LHX8: variants seen among roughly 807,000 people sequenced by gnomAD.
The protein encoded by LHX8 is LIM/homeobox protein Lhx8.
LHX8 carries 12 observed loss-of-function variants against 40.3 expected under a neutral mutation model. That is an observed-to-expected ratio of 0.30 (90% CI 0.19 to 0.48). LHX8 has a LOEUF of 0.48. Ranked by LOEUF, LHX8 falls within the 20% of genes least tolerant of loss-of-function variation. The probability of loss-of-function intolerance (pLI) is 0.99; values close to 1 mark genes in which losing one functional copy is unlikely to be tolerated. For synonymous variants in LHX8, 179 were observed against 162.0 expected (o/e 1.10, Z -0.80); for missense variants, 344 against 433.7 (o/e 0.79, Z 1.84).
At chr1:75,174,450 T>G in the LHX8 span, among the ~76,000 whole-genome samples, 1 of 152,176 alleles carries the variant, frequency 6.6e-6, no homozygotes, top group Admixed American at 6.5e-5. Flanking sequence ...CTCAATAATT[T>G]TTTTATGCTG....
chr1:75,174,522 TAC>T, the LHX8 span, among the ~76,000 whole-genome samples: 6 of 151,102 alleles, frequency 4.0e-5, no homozygotes, highest in Admixed American at 6.6e-5. Context: ...CACACATGCA[TAC>T]ACACACACAC....
chr1:75,146,902 G>T (rs1372577502), intron 6 of LHX8, among the ~76,000 whole-genome samples: 2 of 152,116 alleles, frequency 1.3e-5, no homozygotes, highest in African/African-American at 2.4e-5. Context: ...TGAAAGGCAT[G>T]AAGTTTCTGT....
At chr1:75,131,199 C>T, upstream of LHX8, 1 of 193,882 alleles carries the variant, frequency 5.2e-6, no homozygotes, top group Non-Finnish European at 1.1e-5. Flanking sequence ...CTGACCCAGG[C>T]GAGTCCCTAG....
chr1:75,136,812 CG>C (rs1375652964), intron 2 of LHX8, 123 bp downstream of exon 2: 1 of 396,512 alleles, frequency 2.5e-6, no homozygotes, highest in African/African-American at 2.3e-5. Flanking sequence ...AGACAGAGGA[CG>C]GGGCGGAGAG....
downstream of LHX8, among the ~76,000 whole-genome samples, chr1:75,161,818 A>G (rs139332527): frequency 1.3e-5 from 2 of 152,260 alleles, no homozygotes; most frequent in East Asian, 3.9e-4. Flanking sequence ...GGGCCATAAT[A>G]TATTTCTTCA....
At chr1:75,195,914 C>T in the LHX8 span, among the ~76,000 whole-genome samples, 1 of 152,080 alleles carries the variant, frequency 6.6e-6, no homozygotes, top group African/African-American at 2.4e-5. Flanking sequence ...AGTATTCTCT[C>T]ACCTCATTTA....
chr1:75,129,777 G>A (rs911838977), upstream of LHX8, among the ~76,000 whole-genome samples: 2 of 152,178 alleles, frequency 1.3e-5, no homozygotes, highest in Admixed American at 1.3e-4. Context: ...ATGTGGAAGG[G>A]GAGGAGAAGC....
At chr1:75,177,851 C>G in the LHX8 span, among the ~76,000 whole-genome samples, 1 of 152,170 alleles carries the variant, frequency 6.6e-6, no homozygotes, top group Non-Finnish European at 1.5e-5. Context: ...TATGTTCCAT[C>G]AATACCTAGT....
the LHX8 span, among the ~76,000 whole-genome samples, chr1:75,188,726 A>G: frequency 6.6e-6 from 1 of 152,232 alleles, no homozygotes. Context: ...TGCTCCGAAC[A>G]TGTGAGGTCT....
At chr1:75,137,059 G>A (rs772001234) in intron 2 of LHX8, 41 bp from the exon 3 acceptor site, 8 of 1,560,762 alleles carry the variant, frequency 5.1e-6, no homozygotes, top group Non-Finnish European at 7.0e-6. Context: ...GCGAAGGGGA[G>A]GAGGGGTCTA....
At chr1:75,159,508 AATC>A (rs1648859755) in intron 8 of LHX8, 1 of 152,122 alleles carries the variant, frequency 6.6e-6, no homozygotes, top group Non-Finnish European at 1.5e-5. Context: ...CCTGTAAAAA[AATC>A]ATCCACCGAC....
chr1:75,170,841 T>C, the LHX8 span, among the ~76,000 whole-genome samples: 17,533 of 152,176 alleles, frequency 0.12, 1,658 homozygotes, highest in African/African-American at 0.26. Context: ...CCATATTTGC[T>C]CTCATTAATC....
chr1:75,170,737 C>G, the LHX8 span, among the ~76,000 whole-genome samples: 1 of 152,166 alleles, frequency 6.6e-6, no homozygotes, highest in Non-Finnish European at 1.5e-5. Flanking sequence ...AAGTCTCTGT[C>G]TCTCCTAAGC....
chr1:75,164,835 C>T (rs1277683246), downstream of LHX8, among the ~76,000 whole-genome samples: 1 of 150,810 alleles, frequency 6.6e-6, no homozygotes, highest in Non-Finnish European at 1.5e-5. Flanking sequence ...ACACACCACA[C>T]AAATTTTTTT....
the LHX8 span, among the ~76,000 whole-genome samples, chr1:75,194,401 G>A: frequency 3.3e-5 from 5 of 152,308 alleles, no homozygotes; most frequent in African/African-American, 1.2e-4. Flanking sequence ...GAGGAGCCAT[G>A]AGCCTTGTCT....
chr1:75,130,513 C>T (rs1647933900), upstream of LHX8: 3 of 635,266 alleles, frequency 4.7e-6, no homozygotes, highest in South Asian at 3.8e-5. Flanking sequence ...GCCCATCAAA[C>T]CTCAGTCTTG....
intron 7 of LHX8, among the ~76,000 whole-genome samples, chr1:75,149,710 G>A (rs1648556711): frequency 6.6e-6 from 1 of 152,062 alleles, no homozygotes; most frequent in South Asian, 2.1e-4. Flanking sequence ...ACCACGCCTG[G>A]CTAATTTTTA....
intron 7 of LHX8, among the ~76,000 whole-genome samples, chr1:75,152,742 G>C (rs1285361181): frequency 1.3e-5 from 2 of 152,126 alleles, no homozygotes; most frequent in Non-Finnish European, 2.9e-5. Flanking sequence ...ACTTTATTCT[G>C]CCAGGAGCTA....
upstream of LHX8, among the ~76,000 whole-genome samples, chr1:75,133,383 T>G (rs1008087660): frequency 6.6e-6 from 1 of 152,156 alleles, no homozygotes. Flanking sequence ...GCAAGATCAT[T>G]TCGCTCTTTT....
Sources: gnomAD v4.1 joint callset for allele counts (sites outside exome capture counted in the v4.1 genomes callset) on GRCh38, gnomAD v4.1.1 for gene constraint, MANE v1.5 for transcripts, NCBI Gene and HGNC (gene_info 2026-07-23, HGNC 2026-07-21) for gene names.